NEDD4L: variants seen among roughly 807,000 people sequenced by gnomAD.
The protein encoded by NEDD4L is NEDD4 like E3 ubiquitin protein ligase.
Under a neutral mutation model 148.9 loss-of-function variants are expected in NEDD4L, and 54 were observed. The observed-to-expected ratio is 0.36, with a 90% CI of 0.29 to 0.45. NEDD4L has a LOEUF of 0.45. Ranked by LOEUF, NEDD4L falls within the 20% of genes least tolerant of loss-of-function variation. NEDD4L has a pLI of 1.00. For synonymous variants in NEDD4L, 433 were observed against 440.7 expected (o/e 0.98, Z 0.22); for missense variants, 856 against 1,233.8 (o/e 0.69, Z 4.59).
chr18:58,331,853 G>A (rs2059816097), intron 11 of NEDD4L, among the ~76,000 whole-genome samples: 1 of 152,122 alleles, frequency 6.6e-6, no homozygotes, highest in Non-Finnish European at 1.5e-5. Flanking sequence ...TTTGGTTATG[G>A]TGTTTTTATT....
intron 5 of NEDD4L, among the ~76,000 whole-genome samples, chr18:58,287,937 T>C (rs1186306682): frequency 1.3e-5 from 2 of 152,228 alleles, no homozygotes. Context: ...TAATCAGTCA[T>C]GCATATGTAA....
chr18:58,303,875 T>C (rs2056775514), intron 5 of NEDD4L, among the ~76,000 whole-genome samples: 1 of 152,206 alleles, frequency 6.6e-6, no homozygotes, highest in Non-Finnish European at 1.5e-5. Flanking sequence ...TTTCTTTTGA[T>C]GTTTCAAGGA....
intron 2 of NEDD4L, among the ~76,000 whole-genome samples, chr18:58,167,642 G>C (rs760170453): frequency 2.6e-5 from 4 of 152,054 alleles, no homozygotes; most frequent in Non-Finnish European, 5.9e-5. Flanking sequence ...TCGATTGCTA[G>C]ATTAGAAATT....
intron 2 of NEDD4L, among the ~76,000 whole-genome samples, chr18:58,199,484 C>G (rs894997781): frequency 6.6e-6 from 1 of 152,140 alleles, no homozygotes; most frequent in Non-Finnish European, 1.5e-5. Flanking sequence ...TGACCGTATA[C>G]GAAATGCTGT....
At chr18:58,384,607 G>A (rs558379874) in intron 25 of NEDD4L, among the ~76,000 whole-genome samples, 1 of 152,324 alleles carries the variant, frequency 6.6e-6, no homozygotes, top group South Asian at 2.1e-4. Context: ...CAAACGTGGT[G>A]GGAGTCAGGG....
chr18:58,297,615 C>A (rs945046013), intron 5 of NEDD4L, among the ~76,000 whole-genome samples: 1 of 152,106 alleles, frequency 6.6e-6, no homozygotes, highest in Non-Finnish European at 1.5e-5. Context: ...AACTGGCCCA[C>A]AGATTTATTA....
chr18:58,155,310 A>G (rs1045487619), intron 1 of NEDD4L, among the ~76,000 whole-genome samples: 2 of 147,708 alleles, frequency 1.4e-5, no homozygotes, highest in Non-Finnish European at 3.0e-5. Flanking sequence ...GATAGTTTTA[A>G]GTTTAAAAAA....
intron 5 of NEDD4L, among the ~76,000 whole-genome samples, chr18:58,293,171 C>T (rs1204750027): frequency 6.6e-6 from 1 of 152,178 alleles, no homozygotes. Flanking sequence ...TGAGTAGCTG[C>T]TAGAGCAAAC....
At chr18:58,192,586 A>G (rs1287558583) in intron 2 of NEDD4L, among the ~76,000 whole-genome samples, 1 of 152,166 alleles carries the variant, frequency 6.6e-6, no homozygotes, top group African/African-American at 2.4e-5. Flanking sequence ...GGTTTTTCCT[A>G]GCTGTCTTGA....
chr18:58,341,612 G>A (rs746976181), intron 14 of NEDD4L, 66 bp from the exon 15 acceptor site: 294 of 1,550,248 alleles, frequency 1.9e-4, no homozygotes, highest in Admixed American at 8.4e-4. Context: ...GTTTGGGTTC[G>A]CGCTCCTAAT....
At chr18:58,372,556 C>T (rs1193408561) in intron 23 of NEDD4L, 2 of 152,272 alleles carry the variant, frequency 1.3e-5, no homozygotes, top group Non-Finnish European at 2.9e-5. Flanking sequence ...GATCCTCCCA[C>T]CTTGGCCTCC....
intron 1 of NEDD4L, among the ~76,000 whole-genome samples, chr18:58,089,323 T>C (rs1377408064): frequency 6.6e-6 from 1 of 151,974 alleles, no homozygotes; most frequent in African/African-American, 2.4e-5. Flanking sequence ...TTAGTAGAGA[T>C]GGGCTTTCAC....
At position 58,329,142 on chromosome 18, in the gene NEDD4L, G is replaced by C. The variant is rs1235284709; in HGVS notation, c.813+15G>C. 2 of 1,612,930 alleles carry C rather than the reference G, an allele frequency of 1.2e-6. No homozygotes were observed. Among genetic ancestry groups the C allele is most frequent in the East Asian group, 2.2e-5 (1 of 44,864 alleles). On this transcript the variant is annotated intron_variant, in intron 10 of 30. Coordinates refer to ENST00000400345, the MANE Select transcript of NEDD4L (RefSeq NM_001144967.3). ...ATGTCCCCGAGGTACGATGTCCCCAGAATGGTGCAAAGCCCGGCAGCTCCT... is the reference window on the plus strand; with the variant it reads ...ATGTCCCCGAGGTACGATGTCCCCACAATGGTGCAAAGCCCGGCAGCTCCT...
chr18:58,278,586 C>T (rs2052514664), intron 5 of NEDD4L, among the ~76,000 whole-genome samples: 1 of 152,206 alleles, frequency 6.6e-6, no homozygotes, highest in Admixed American at 6.5e-5. Flanking sequence ...CAGCGTGTCC[C>T]CACACCCACA....
At chr18:58,296,016 A>G (rs2055512330) in intron 5 of NEDD4L, among the ~76,000 whole-genome samples, 1 of 152,198 alleles carries the variant, frequency 6.6e-6, no homozygotes, top group Admixed American at 6.5e-5. Context: ...ACACACCAAA[A>G]GGCTTTGGGC....
chr18:58,066,615 G>T (rs1033930981), intron 1 of NEDD4L, among the ~76,000 whole-genome samples: 1 of 151,918 alleles, frequency 6.6e-6, no homozygotes, highest in Non-Finnish European at 1.5e-5. Flanking sequence ...ATCGCGCCCG[G>T]CCAAGTCCGT....
At chr18:58,283,138 C>T (rs956311240) in intron 5 of NEDD4L, among the ~76,000 whole-genome samples, 2 of 152,098 alleles carry the variant, frequency 1.3e-5, no homozygotes, top group African/African-American at 4.8e-5. Context: ...CGCAGTGGTG[C>T]GATCTCAGCT....
chr18:58,234,050 T>TTCC (rs1555753214), intron 2 of NEDD4L, among the ~76,000 whole-genome samples: 1 of 89,154 alleles, frequency 1.1e-5, no homozygotes, highest in Non-Finnish European at 2.2e-5. Flanking sequence ...TTTCCTTTTC[T>TTCC]TTCTTTCTTT....
At chr18:58,377,274 A>G (rs2047689091) in intron 24 of NEDD4L, among the ~76,000 whole-genome samples, 3 of 152,212 alleles carry the variant, frequency 2.0e-5, no homozygotes. Context: ...CTGACCCAGA[A>G]GAAAGCCCAT....
Sources: allele counts gnomAD v4.1 joint callset (sites outside exome capture counted in the v4.1 genomes callset), GRCh38; gene constraint gnomAD v4.1.1; transcripts MANE v1.5; gene names NCBI Gene and HGNC (gene_info 2026-07-23, HGNC 2026-07-21).